VPS8: variants seen among roughly 807,000 people sequenced by gnomAD.
VPS8 encodes VPS8 subunit of CORVET complex, also known as vacuolar protein sorting-associated protein 8 homolog.
A neutral mutation model predicts 216.4 loss-of-function variants in VPS8; 129 were observed. The ratio of observed to expected loss-of-function variants is 0.60; its 90% CI spans 0.52 to 0.69. VPS8 has a LOEUF of 0.69. Among genes scored for constraint, VPS8 ranks in the 30% least tolerant of loss-of-function variants. The pLI, the probability that VPS8 is intolerant of heterozygous loss-of-function variation, is 0.00. For missense variants in VPS8, 1,531 were observed against 1,683.5 expected, an observed-to-expected ratio of 0.91 and a Z score of 1.59; for synonymous variants, 571 against 565.4, an observed-to-expected ratio of 1.01 and a Z score of -0.14.
chr3:184,854,318 T>A, intron 13 of VPS8, 145 bp downstream of exon 13: 1 of 878,438 alleles, frequency 1.1e-6, no homozygotes, highest in Non-Finnish European at 1.8e-6. Flanking sequence ...TTGGCTGGAC[T>A]TGCCTTAAGG....
At chr3:184,832,579 C>T (rs1437986701) in intron 3 of VPS8, 110 bp from the exon 4 acceptor site, 4 of 938,308 alleles carry the variant, frequency 4.3e-6, no homozygotes, top group East Asian at 2.7e-5. Flanking sequence ...GGAATAGAGG[C>T]GAAAAGCAGA....
chr3:185,015,755 C>T (rs553420541), intron 45 of VPS8, among the ~76,000 whole-genome samples: 9 of 152,306 alleles, frequency 5.9e-5, no homozygotes, highest in Non-Finnish European at 8.8e-5. Context: ...TGTATTTCTG[C>T]TTTCCTGAGA....
intron 22 of VPS8, among the ~76,000 whole-genome samples, chr3:184,892,224 C>CT (rs879543198): frequency 2.6e-5 from 4 of 151,866 alleles, no homozygotes; most frequent in Admixed American, 6.6e-5. Flanking sequence ...ATGTACTTGT[C>CT]TTTTTTTTAA....
intron 7 of VPS8, 111 bp downstream of exon 7, chr3:184,839,863 GA>G (rs906621956): frequency 2.1e-6 from 3 of 1,438,388 alleles, no homozygotes; most frequent in Admixed American, 3.0e-5. Flanking sequence ...AACAAAACCA[GA>G]AAAACTTGAA....
chr3:184,865,049 A>G (rs535502296), intron 16 of VPS8, among the ~76,000 whole-genome samples: 148 of 152,272 alleles, frequency 9.7e-4, no homozygotes, highest in Middle Eastern at 3.4e-3. Flanking sequence ...AATGCGCTAG[A>G]TGGGATTAAT....
chr3:184,967,662 C>T (rs932711044), intron 39 of VPS8, among the ~76,000 whole-genome samples: 3 of 151,980 alleles, frequency 2.0e-5, no homozygotes, highest in African/African-American at 7.3e-5. Flanking sequence ...ACATAGTGAA[C>T]CCCGTCTCTA....
Position 184,939,666 on chromosome 3 carries a change from A to C in VPS8, c.2989-531A>C, listed in dbSNP as rs184963371. On this transcript the variant is annotated intron_variant, in intron 35 of 47. Transcript: ENST00000625842. ...AAAAACAGAACCCAGATTTTATGGCATGTTGATTGCTAACATGTTGCAGTT... is the reference window on the plus strand; with the variant it reads ...AAAAACAGAACCCAGATTTTATGGCCTGTTGATTGCTAACATGTTGCAGTT... 1.2e-3 allele frequency among the ~76,000 whole-genome samples: 176 copies of C among 152,116 alleles called. 2 individuals carry two copies. The highest frequency in any genetic ancestry group is 4.1e-3 in the African/African-American group (170 of 41,488).
intron 25 of VPS8, among the ~76,000 whole-genome samples, chr3:184,910,401 C>T (rs1271105856): frequency 6.6e-6 from 1 of 152,170 alleles, no homozygotes; most frequent in African/African-American, 2.4e-5. Context: ...GGCCAAAAGC[C>T]ACAGAGGTGG....
chr3:184,946,192 C>T (rs1308986787), intron 36 of VPS8, among the ~76,000 whole-genome samples: 2 of 152,194 alleles, frequency 1.3e-5, no homozygotes, highest in Non-Finnish European at 2.9e-5. Flanking sequence ...CATTTAGCTA[C>T]ACCTATATTT....
intron 40 of VPS8, among the ~76,000 whole-genome samples, chr3:184,978,407 T>C (rs1281679087): frequency 6.6e-6 from 1 of 151,868 alleles, no homozygotes; most frequent in Non-Finnish European, 1.5e-5. Flanking sequence ...TTCTTCCCTC[T>C]TTCCTTCCTT....
At chr3:184,851,743 A>G (rs1187876675) in intron 10 of VPS8, among the ~76,000 whole-genome samples, 1 of 152,168 alleles carries the variant, frequency 6.6e-6, no homozygotes, top group African/African-American at 2.4e-5. Context: ...CCAGTACCTC[A>G]GCCATCCCTG....
At chr3:184,977,280 T>G (rs1211199159) in intron 40 of VPS8, among the ~76,000 whole-genome samples, 4 of 152,226 alleles carry the variant, frequency 2.6e-5, no homozygotes, top group Non-Finnish European at 5.9e-5. Context: ...TCTGTTAATG[T>G]CCTTTACCCA....
At chr3:185,040,511 C>G (rs905005871) in intron 46 of VPS8, among the ~76,000 whole-genome samples, 4 of 152,088 alleles carry the variant, frequency 2.6e-5, no homozygotes, top group African/African-American at 9.7e-5. Flanking sequence ...TTGGTGGTCT[C>G]TTGTCCAGGC....
intron 45 of VPS8, among the ~76,000 whole-genome samples, chr3:185,009,336 CAAT>C: frequency 4.8e-5 from 1 of 21,052 alleles, no homozygotes; most frequent in Middle Eastern, 0.056. Context: ...ATCAACTATA[CAAT>C]ACCATTTTTT....
chr3:184,841,979 TAC>T (rs771808966), intron 7 of VPS8, among the ~76,000 whole-genome samples: 47 of 152,220 alleles, frequency 3.1e-4, no homozygotes, highest in South Asian at 2.3e-3. Context: ...TAGATGATAA[TAC>T]ATATATTTGT....
intron 13 of VPS8, 97 bp from the exon 14 acceptor site, chr3:184,855,614 A>G: frequency 3.0e-6 from 3 of 1,000,754 alleles, no homozygotes; most frequent in Non-Finnish European, 4.5e-6. Flanking sequence ...AGTTTTTATC[A>G]AGGAACACTA....
intron 39 of VPS8, 69 bp downstream of exon 39, chr3:184,966,782 AT>A: frequency 2.9e-5 from 34 of 1,170,518 alleles, no homozygotes; most frequent in Non-Finnish European, 3.7e-5. Context: ...TGTTTAATAA[AT>A]TGCATTTATT....
chr3:184,866,913 G>A lies in VPS8; in HGVS notation c.1433G>A (p.Ser478Asn), dbSNP rs1727462680. ...GAGAAGGCTTGTTATCAATCCATCA[G>A]TAGCTATGGTGGTCAGATCTTTTAT... Reference protein sequence around the residue: ...VGEKACYQSISSYGGQIFYLG... With the variant: ...VGEKACYQSINSYGGQIFYLG... The change falls in exon 17 of 48, where the codon AGT becomes AAT. Residue 478 changes from serine (S) to asparagine (N), a missense_variant. Around this residue, in one of 3 missense-constraint regions of VPS8, gnomAD observed 1,318 missense variants for 1,468.4 expected, o/e 0.90. Transcript: ENST00000625842. 1 of 1,613,156 alleles carries A rather than the reference G, an allele frequency of 6.2e-7. No homozygotes were observed. Among genetic ancestry groups the A allele is most frequent in the Admixed American group, 1.7e-5 (1 of 59,944 alleles).
chr3:184,944,989 T>C (rs1002455116), intron 36 of VPS8, among the ~76,000 whole-genome samples: 4 of 152,072 alleles, frequency 2.6e-5, no homozygotes, highest in Non-Finnish European at 5.9e-5. Context: ...TTAAAAAAAA[T>C]ACCTACTTCA....
Sources: allele counts gnomAD v4.1 joint callset (sites outside exome capture counted in the v4.1 genomes callset), GRCh38; gene constraint gnomAD v4.1.1; regional missense constraint gnomAD v4.1.1; transcripts MANE v1.5; gene names NCBI Gene and HGNC (gene_info 2026-07-23, HGNC 2026-07-21).